Variants in MOV10 observed in about 807,000 individuals in gnomAD.
MOV10 encodes Mov10 RNA helicase, also known as RNA helicase MOV-10.
Under a neutral mutation model 108.4 loss-of-function variants are expected in MOV10, and 39 were observed. That is an observed-to-expected ratio of 0.36 (90% CI 0.28 to 0.47). The LOEUF (loss-of-function observed/expected upper bound fraction) is 0.47, where lower values mean the gene tolerates loss of function less well. MOV10 is among the 20% of genes least tolerant of loss of function. The pLI is 1.00. For missense variants in MOV10, 952 were observed against 1,297.6 expected (o/e 0.73, Z 4.09); for synonymous variants, 490 against 523.1 (o/e 0.94, Z 0.86).
At chr1:112,695,388 TC>T in intron 10 of MOV10, 27 bp from the exon 11 acceptor site, 1 of 1,610,182 alleles carries the variant, frequency 6.2e-7, no homozygotes. Flanking sequence ...GGAACCTGCC[TC>T]CCACACTGCG....
intron 2 of MOV10, chr1:112,688,551 T>C: frequency 8.9e-7 from 1 of 1,118,862 alleles, no homozygotes; most frequent in Non-Finnish European, 1.1e-6. Context: ...TAGCCTCAGC[T>C]CTTTCTTCTG....
Position 112,689,396 on chromosome 1 carries a change from TG to T in MOV10, c.342-18del. 7.7e-6 allele frequency: 5 copies of T among 651,276 alleles called. No individual in the cohort carries two copies. The highest frequency in any genetic ancestry group is 8.2e-6 in the Non-Finnish European group (3 of 363,870). The allele number at this position is 651,276 out of a possible 1,614,324, so 40.3% of individuals were successfully genotyped here. On this transcript the variant is annotated intron_variant, in intron 3 of 20. Coordinates refer to ENST00000369645, the MANE Select transcript of MOV10 (RefSeq NM_001321324.2). ...GACCGCTCCCACCCCAACCCCCCCT[TG>T]ACTCCCCTTCTCCCCAGGGCTGAGT...
At chr1:112,699,095 A>G in intron 17 of MOV10, 1 of 350,568 alleles carries the variant, frequency 2.9e-6, no homozygotes, top group Non-Finnish European at 5.2e-6. Context: ...TGCCACCCCC[A>G]CCCCCAGTAG....
intron 14 of MOV10, among the ~76,000 whole-genome samples, chr1:112,697,686 C>G (rs1398517103): frequency 2.0e-5 from 3 of 152,104 alleles, no homozygotes; most frequent in Non-Finnish European, 4.4e-5. Flanking sequence ...ACGTGATAGT[C>G]AAGGAGAATT....
chr1:112,698,462 C>A lies in MOV10; in HGVS notation c.2492C>A (p.Ser831Tyr), dbSNP rs775913789. 6.2e-7 allele frequency: 1 copy of A among 1,613,996 alleles called. No individual in the cohort carries two copies. Among genetic ancestry groups the A allele is most frequent in the South Asian group, 1.1e-5 (1 of 91,078 alleles). ...AGCCCTCGAAGTGTGGGCGTCATCT[C>A]CCCGTACCGGAAACAGGTCAGGTCC... The part of the protein sequence containing the change: ...RLSPRSVGVI[S>Y]PYRKQVEKIR... The change falls in exon 16 of 21, where the codon TCC becomes TAC. Residue 831 changes from serine (S) to tyrosine (Y), a missense_variant. Coordinates refer to ENST00000369645, the MANE Select transcript of MOV10 (RefSeq NM_001321324.2).
chr1:112,685,868 G>C (rs114950201), intron 2 of MOV10, among the ~76,000 whole-genome samples: 1 of 152,156 alleles, frequency 6.6e-6, no homozygotes, highest in Non-Finnish European at 1.5e-5. Flanking sequence ...GAAATATTTA[G>C]GGATAGCATC....
At chr1:112,693,260 A>T (rs1303137435) in intron 7 of MOV10, among the ~76,000 whole-genome samples, 1 of 152,218 alleles carries the variant, frequency 6.6e-6, no homozygotes, top group Non-Finnish European at 1.5e-5. Context: ...GTGTGCATAT[A>T]AGCCCAAAAT....
intron 2 of MOV10, among the ~76,000 whole-genome samples, chr1:112,683,824 G>T (rs1381346402): frequency 6.6e-6 from 1 of 152,182 alleles, no homozygotes; most frequent in Non-Finnish European, 1.5e-5. Flanking sequence ...CACTGTGAGT[G>T]ACTCTGCAGT....
At chr1:112,688,567 T>C in intron 2 of MOV10, 1 of 1,147,006 alleles carries the variant, frequency 8.7e-7, no homozygotes, top group East Asian at 5.7e-5. Flanking sequence ...TTCTGGGTTG[T>C]TTGTATTTTC....
intron 2 of MOV10, among the ~76,000 whole-genome samples, chr1:112,680,460 T>C (rs1672533385): frequency 6.6e-6 from 1 of 151,622 alleles, no homozygotes; most frequent in Non-Finnish European, 1.5e-5. Context: ...ATCGAGACCA[T>C]CCTGGCTAAC....
In MOV10 at chr1:112,689,133, T is replaced by C. The variant is rs540221025; in HGVS notation, c.336T>C (p.Tyr112=). Residue 112 remains tyrosine, a synonymous_variant, in exon 3 of 21, where the codon TAT becomes TAC. Coordinates refer to ENST00000369645, the MANE Select transcript of MOV10 (RefSeq NM_001321324.2). ...HHKSLLAKIF[Y]DRAEYLHGKH... Reference sequence around the variant, plus strand: ...AGTCACTGCTAGCCAAGATCTTTTATGACAGGTGTGTGTGTGTTGTATGTT... The same window carrying C: ...AGTCACTGCTAGCCAAGATCTTTTACGACAGGTGTGTGTGTGTTGTATGTT... The C allele has an allele frequency of 6.9e-6, 11 of 1,595,834 alleles. No individual in the cohort carries two copies. The South Asian group carries it at 1.0e-4, about 15-fold the overall frequency.
rs759895269 is a variant in MOV10 at position 112,674,900 on chromosome 1, A to AGCCGCC, written c.-7_-2dup. 11 of 1,552,748 alleles carry AGCCGCC rather than the reference A, an allele frequency of 7.1e-6. No individual in the cohort carries two copies. The highest frequency in any genetic ancestry group is 2.4e-5 in the South Asian group (2 of 85,012). ...CCACGGACCCTCCTGCCTGGGCCGC[A>AGCCGCC]GCCGCCGCCGCGATGCCCAGTAAGT... On this transcript the variant is annotated 5_prime_UTR_variant, in exon 2 of 21. Transcript: ENST00000369645.
upstream of MOV10, chr1:112,674,489 T>G (rs995839696): frequency 2.6e-5 from 4 of 154,052 alleles, no homozygotes; most frequent in Admixed American, 2.6e-4. Flanking sequence ...GCTCTCCTGC[T>G]TTTCACTGAG....
intron 12 of MOV10, 50 bp from the exon 13 acceptor site, chr1:112,696,387 T>A: frequency 6.7e-7 from 1 of 1,497,894 alleles, no homozygotes; most frequent in Non-Finnish European, 9.3e-7. Flanking sequence ...CATTCAGGTT[T>A]GGTAGTTGGG....
At position 112,690,044 on chromosome 1, in the gene MOV10, T is replaced by A; in HGVS notation, c.782T>A (p.Ile261Asn). The change falls in exon 5 of 21, where the codon ATC becomes AAC. Residue 261 changes from isoleucine (I) to asparagine (N), a missense_variant. This residue lies in a region of MOV10 where 374 missense variants were observed against 468.6 expected (regional missense o/e 0.80). Coordinates refer to ENST00000369645, the MANE Select transcript of MOV10 (RefSeq NM_001321324.2). ...ATGACTCCCTTCAAGCGGACCCGGA[T>A]CACCGGAAACCCTGTGGTGACCAAT... The part of the protein sequence containing the change: ...KPMTPFKRTR[I>N]TGNPVVTNRI... The A allele has an allele frequency of 6.2e-7, 1 of 1,614,018 alleles. No homozygotes were observed. Among genetic ancestry groups the A allele is most frequent in the South Asian group, 1.1e-5 (1 of 91,082 alleles).
At chr1:112,699,540 G>A in intron 17 of MOV10, 145 bp from the exon 18 acceptor site, 1 of 1,492,628 alleles carries the variant, frequency 6.7e-7, no homozygotes, top group South Asian at 1.4e-5. Flanking sequence ...CCCTTTCCCT[G>A]GGCCGTGTCG....
intron 15 of MOV10, 26 bp downstream of exon 15, chr1:112,698,137 C>G: frequency 6.2e-7 from 1 of 1,607,182 alleles, no homozygotes; most frequent in Non-Finnish European, 8.5e-7. Context: ...GCAGGCCCCA[C>G]CCCTGTACCC....
intron 5 of MOV10, among the ~76,000 whole-genome samples, chr1:112,690,580 G>A (rs548969977): frequency 8.5e-5 from 13 of 152,060 alleles, no homozygotes; most frequent in African/African-American, 2.9e-4. Context: ...GGCTGGTCTC[G>A]AACTCCTGAC....
intron 19 of MOV10, 84 bp downstream of exon 19, chr1:112,700,066 C>A: frequency 6.3e-7 from 1 of 1,582,178 alleles, no homozygotes; most frequent in African/African-American, 1.3e-5. Context: ...GCTTGCTTAT[C>A]GCTCAGTTAA....
Sources: gnomAD v4.1 joint callset for allele counts (sites outside exome capture counted in the v4.1 genomes callset) on GRCh38, gnomAD v4.1.1 for gene constraint, gnomAD v4.1.1 regional missense constraint, MANE v1.5 for transcripts, NCBI Gene and HGNC (gene_info 2026-07-23, HGNC 2026-07-21) for gene names.